The following PPEF1 variants were observed in gnomAD, a reference collection of about 807,000 sequenced individuals.
PPEF1 encodes serine/threonine-protein phosphatase with EF-hands 1.
A neutral mutation model predicts 53.3 loss-of-function variants in PPEF1; 12 were observed. The ratio of observed to expected loss-of-function variants is 0.23; its 90% CI spans 0.14 to 0.36. The LOEUF is 0.36. Among genes scored for constraint, PPEF1 ranks in the 10% least tolerant of loss-of-function variants. The probability of loss-of-function intolerance (pLI) is 1.00; values close to 1 mark genes in which losing one functional copy is unlikely to be tolerated. For synonymous variants in PPEF1, 165 were observed against 176.7 expected (o/e 0.93, Z 0.52); for missense variants, 334 against 490.4 (o/e 0.68, Z 3.01).
chrX:18,741,759 C>T (rs1233910515), intron 3 of PPEF1, among the ~76,000 whole-genome samples: 4 of 99,539 alleles, frequency 4.0e-5, no homozygotes, highest in Non-Finnish European at 8.0e-5. Context: ...CCATTTGAGT[C>T]TGGCTGCTGC....
intron 4 of PPEF1, among the ~76,000 whole-genome samples, chrX:18,695,733 G>C (rs952504819): frequency 8.9e-6 from 1 of 112,469 alleles, no homozygotes; most frequent in Admixed American, 9.4e-5. Flanking sequence ...GCAGTGGTCC[G>C]AATTAAAATT....
intron 13 of PPEF1, 150 bp downstream of exon 13, chrX:18,818,295 G>T: frequency 8.2e-6 from 3 of 367,150 alleles, no homozygotes; most frequent in Non-Finnish European, 1.4e-5. Context: ...TCCATTATTT[G>T]CTCAAAAAAG....
chrX:18,752,849 T>A (rs1474635922), intron 4 of PPEF1, among the ~76,000 whole-genome samples: 2 of 110,844 alleles, frequency 1.8e-5, no homozygotes, highest in African/African-American at 6.6e-5. Flanking sequence ...CTGGGATAAA[T>A]CCCTCTTGGC....
chrX:18,736,588 C>A (rs977947415), intron 3 of PPEF1, among the ~76,000 whole-genome samples: 4 of 111,356 alleles, frequency 3.6e-5, no homozygotes, highest in Non-Finnish European at 5.7e-5. Context: ...GTCTAAAATT[C>A]TCTTTTTTTG....
At chrX:18,757,574 C>A in intron 4 of PPEF1, 53 bp from the exon 5 acceptor site, 2 of 943,944 alleles carry the variant, frequency 2.1e-6, no homozygotes, top group South Asian at 4.0e-5. Flanking sequence ...TCTATACAGT[C>A]ATGTCTTTCT....
intron 10 of PPEF1, among the ~76,000 whole-genome samples, chrX:18,792,484 T>A: frequency 9.0e-6 from 1 of 111,634 alleles, no homozygotes; most frequent in South Asian, 3.8e-4. Flanking sequence ...ATATATCTAA[T>A]TTGTTGACCT....
chrX:18,750,978 G>A (rs1307309428), intron 4 of PPEF1, among the ~76,000 whole-genome samples: 1 of 111,306 alleles, frequency 9.0e-6, no homozygotes, highest in East Asian at 2.8e-4. Flanking sequence ...TTGGCCATTT[G>A]TATACCTTCT....
rs1010571298 is a variant in PPEF1 at position 18,714,513 on chromosome X, C to T, written c.46+6687C>T. On this transcript the variant is annotated intron_variant, in intron 1 of 15. Coordinates refer to ENST00000470157, the MANE Select transcript of PPEF1 (RefSeq NM_001377996.1). ...GTCTTGAACTCCTGACCTTATGGTT[C>T]GCCCGCCTCGGCCTCCCAAAGTGCT... is the stretch of plus-strand genomic sequence containing the variant. 1.2e-4 allele frequency among the ~76,000 whole-genome samples: 13 copies of T among 111,082 alleles called. No individual in the cohort carries two copies. The South Asian group carries it at 2.3e-3, about 19-fold the overall frequency.
At chrX:18,816,926 G>A (rs953852584) in intron 12 of PPEF1, among the ~76,000 whole-genome samples, 1 of 111,472 alleles carries the variant, frequency 9.0e-6, no homozygotes, top group Non-Finnish European at 1.9e-5. Context: ...TGAGACTAAA[G>A]TGTGTCTCCT....
intron 10 of PPEF1, 79 bp from the exon 11 acceptor site, chrX:18,803,813 T>G: frequency 1.0e-6 from 1 of 954,421 alleles, no homozygotes; most frequent in Admixed American, 3.1e-5. Flanking sequence ...TGGGTTAATA[T>G]TTCTGACAAA....
intron 4 of PPEF1, among the ~76,000 whole-genome samples, chrX:18,751,089 G>A (rs2045434045): frequency 9.0e-6 from 1 of 111,467 alleles, no homozygotes; most frequent in African/African-American, 3.3e-5. Context: ...TCAGATATAT[G>A]ATTTGCAAAT....
At chrX:18,701,987 A>G (rs1003696530) in intron 6 of PPEF1, among the ~76,000 whole-genome samples, 1 of 111,835 alleles carries the variant, frequency 8.9e-6, no homozygotes, top group Non-Finnish European at 1.9e-5. Context: ...GGCGAGACCC[A>G]GGAAGAATCA....
chrX:18,805,818 GGT>G, intron 11 of PPEF1, among the ~76,000 whole-genome samples: 1 of 100,540 alleles, frequency 9.9e-6, no homozygotes, highest in African/African-American at 3.7e-5. Flanking sequence ...ATTCCATCAT[GGT>G]GAGAGAGCGA....
At chrX:18,790,876 G>T (rs895223432) in intron 10 of PPEF1, among the ~76,000 whole-genome samples, 1 of 109,602 alleles carries the variant, frequency 9.1e-6, no homozygotes, top group African/African-American at 3.3e-5. Context: ...TCACCATGTT[G>T]ACCAGGCTGG....
intron 13 of PPEF1, 65 bp from the exon 14 acceptor site, chrX:18,823,857 AG>A (rs1451478148): frequency 1.4e-5 from 16 of 1,129,057 alleles, no homozygotes; most frequent in Non-Finnish European, 1.9e-5. Flanking sequence ...GGCTCTCCCA[AG>A]GAGGTTGCAT....
chrX:18,734,246 A>G (rs991259277), intron 3 of PPEF1, among the ~76,000 whole-genome samples: 6 of 107,346 alleles, frequency 5.6e-5, no homozygotes, highest in Non-Finnish European at 9.6e-5. Flanking sequence ...CATCATTTAC[A>G]TTAGGTGTAC....
At chrX:18,793,860 A>G (rs1052798810) in intron 10 of PPEF1, among the ~76,000 whole-genome samples, 7 of 111,199 alleles carry the variant, frequency 6.3e-5, no homozygotes, top group Admixed American at 9.6e-5. Flanking sequence ...AGTGAAGTCT[A>G]TTCCCCTTCA....
intron 6 of PPEF1, among the ~76,000 whole-genome samples, chrX:18,772,509 G>A (rs1467119956): frequency 2.7e-5 from 3 of 111,385 alleles, no homozygotes; most frequent in Admixed American, 9.6e-5. Flanking sequence ...GGATGATGCT[G>A]GCCTCATAAA....
At chrX:18,735,464 T>A (rs1196665780) in intron 3 of PPEF1, among the ~76,000 whole-genome samples, 1 of 111,771 alleles carries the variant, frequency 8.9e-6, no homozygotes, top group African/African-American at 3.3e-5. Flanking sequence ...TTCTGAGGAC[T>A]CTGTTCTGTT....
Sources: gnomAD v4.1 joint callset for allele counts (sites outside exome capture counted in the v4.1 genomes callset) on GRCh38, gnomAD v4.1.1 for gene constraint, MANE v1.5 for transcripts, NCBI Gene and HGNC (gene_info 2026-07-23, HGNC 2026-07-21) for gene names.